SKAP2: variants seen among roughly 807,000 people sequenced by gnomAD.
SKAP2 encodes the protein src kinase-associated phosphoprotein 2.
In SKAP2, 28 loss-of-function variants were observed where a neutral mutation model predicts 54.9. The observed-to-expected ratio is 0.51, with a 90% confidence interval of 0.38 to 0.70. The LOEUF (loss-of-function observed/expected upper bound fraction) is 0.70. SKAP2 is among the 30% of genes least tolerant of loss of function. The pLI is 0.00. For synonymous variants in SKAP2, 137 were observed against 134.3 expected (o/e 1.02, Z -0.14); for missense variants, 356 against 424.1 (o/e 0.84, Z 1.41).
chr7:26,809,488 G>C (rs938692632), intron 4 of SKAP2, among the ~76,000 whole-genome samples: 9 of 150,950 alleles, frequency 6.0e-5, no homozygotes, highest in Admixed American at 4.6e-4. Flanking sequence ...ATGTCCAACA[G>C]GTATACAAAA....
At chr7:26,757,961 C>T (rs1313163309) in intron 4 of SKAP2, among the ~76,000 whole-genome samples, 3 of 152,152 alleles carry the variant, frequency 2.0e-5, no homozygotes, top group African/African-American at 7.2e-5. Context: ...CAGGGTTTCA[C>T]CGTGTTAGCC....
chr7:26,787,050 T>G (rs1329755289), intron 4 of SKAP2, among the ~76,000 whole-genome samples: 1 of 152,184 alleles, frequency 6.6e-6, no homozygotes, highest in Non-Finnish European at 1.5e-5. Flanking sequence ...AGTAAACTCA[T>G]TTTTAGTTTT....
At chr7:26,689,628 G>A (rs1374409442) in intron 10 of SKAP2, among the ~76,000 whole-genome samples, 1 of 152,130 alleles carries the variant, frequency 6.6e-6, no homozygotes, top group African/African-American at 2.4e-5. Flanking sequence ...ACTGGACTCT[G>A]GCATTTCTTA....
intron 4 of SKAP2, among the ~76,000 whole-genome samples, chr7:26,812,121 C>CT (rs1252767437): frequency 6.6e-6 from 1 of 152,178 alleles, no homozygotes; most frequent in Non-Finnish European, 1.5e-5. Flanking sequence ...GGGACAGCTG[C>CT]TTGATACAAA....
intron 4 of SKAP2, among the ~76,000 whole-genome samples, chr7:26,784,018 A>G (rs1045542251): frequency 2.0e-5 from 3 of 152,030 alleles, no homozygotes; most frequent in Non-Finnish European, 4.4e-5. Flanking sequence ...TATCTGACTA[A>G]AGTAGAGCAT....
chr7:26,855,014 T>TTA, intron 1 of SKAP2, 124 bp from the exon 2 acceptor site: 1 of 641,584 alleles, frequency 1.6e-6, no homozygotes, highest in Non-Finnish European at 2.5e-6. Context: ...TTATAGTTAT[T>TTA]TATCATTCCA....
intron 4 of SKAP2, among the ~76,000 whole-genome samples, chr7:26,843,205 G>A (rs1784854019): frequency 6.6e-6 from 1 of 152,016 alleles, no homozygotes; most frequent in African/African-American, 2.4e-5. Context: ...AGATGGAACT[G>A]CACAGTTTGA....
chr7:26,750,963 T>C (rs1294292704), intron 4 of SKAP2, among the ~76,000 whole-genome samples: 1 of 152,182 alleles, frequency 6.6e-6, no homozygotes, highest in Non-Finnish European at 1.5e-5. Context: ...TTTTGAGGTA[T>C]AAATTTTTAA....
chr7:26,704,490 G>A (rs1274368470), intron 9 of SKAP2, among the ~76,000 whole-genome samples: 2 of 152,174 alleles, frequency 1.3e-5, no homozygotes, highest in African/African-American at 2.4e-5. Context: ...TTCGTAATAC[G>A]AAAGAATGGC....
chr7:26,809,857 G>C (rs1784104757), intron 4 of SKAP2, among the ~76,000 whole-genome samples: 1 of 152,158 alleles, frequency 6.6e-6, no homozygotes, highest in South Asian at 2.1e-4. Flanking sequence ...ATCAGCCTAA[G>C]TGTCCATGAA....
intron 4 of SKAP2, among the ~76,000 whole-genome samples, chr7:26,825,143 C>T (rs563699232): frequency 6.6e-6 from 1 of 152,144 alleles, no homozygotes; most frequent in African/African-American, 2.4e-5. Flanking sequence ...TTTGCATTGG[C>T]AAAGAAAGCA....
At chr7:26,792,404 G>A (rs1248791882) in intron 4 of SKAP2, among the ~76,000 whole-genome samples, 1 of 152,142 alleles carries the variant, frequency 6.6e-6, no homozygotes, top group African/African-American at 2.4e-5. Flanking sequence ...AAAAGATCTT[G>A]AGTAAAAGAA....
chr7:26,684,044 C>A (rs114621256), intron 11 of SKAP2, among the ~76,000 whole-genome samples: 3,941 of 152,064 alleles, frequency 0.026, 167 homozygotes, highest in African/African-American at 0.09. Flanking sequence ...ACATACATTA[C>A]CAAAAGTATA....
At chr7:26,830,209 T>G (rs765649723) in intron 4 of SKAP2, among the ~76,000 whole-genome samples, 1 of 152,194 alleles carries the variant, frequency 6.6e-6, no homozygotes. Flanking sequence ...GAAATTAGAT[T>G]CATAGTTGCC....
At chr7:26,717,382 C>T (rs1238991245) in intron 9 of SKAP2, among the ~76,000 whole-genome samples, 1 of 151,070 alleles carries the variant, frequency 6.6e-6, no homozygotes, top group Admixed American at 6.6e-5. Flanking sequence ...TGGTGGCATG[C>T]ACCTGTAGTT....
At chr7:26,715,671 C>A (rs762722592) in intron 9 of SKAP2, among the ~76,000 whole-genome samples, 1 of 151,978 alleles carries the variant, frequency 6.6e-6, no homozygotes, top group African/African-American at 2.4e-5. Context: ...CCCAGCTATT[C>A]GGAAGGCTAA....
chr7:26,863,200 A>G (rs1785303692), intron 1 of SKAP2, among the ~76,000 whole-genome samples: 1 of 152,176 alleles, frequency 6.6e-6, no homozygotes. Flanking sequence ...TAATAATGCC[A>G]AGCACCAAAA....
chr7:26,684,997 T>C, intron 10 of SKAP2, 149 bp from the exon 11 acceptor site: 4 of 582,756 alleles, frequency 6.9e-6, no homozygotes, highest in Non-Finnish European at 1.2e-5. Flanking sequence ...TTTATTACAT[T>C]CACATGAATC....
At chr7:26,737,748 C>T (rs11973332) in intron 6 of SKAP2, among the ~76,000 whole-genome samples, 17,061 of 152,118 alleles carry the variant, frequency 0.11, 1,295 homozygotes, top group African/African-American at 0.21. Flanking sequence ...CAGAATAAAA[C>T]AAAACTCAGA....
Sources: gnomAD v4.1 joint callset for allele counts (sites outside exome capture counted in the v4.1 genomes callset) on GRCh38, gnomAD v4.1.1 for gene constraint, MANE v1.5 for transcripts, NCBI Gene and HGNC (gene_info 2026-07-23, HGNC 2026-07-21) for gene names.